The following PRKCE variants were observed in gnomAD, a reference collection of about 807,000 sequenced individuals.
The protein encoded by PRKCE is protein kinase C epsilon, also known as protein kinase C epsilon type.
Under a neutral mutation model 85.4 loss-of-function variants are expected in PRKCE, and 16 were observed. The observed-to-expected ratio is 0.19, with a 90% CI of 0.13 to 0.28. PRKCE has a LOEUF of 0.28. Among genes scored for constraint, PRKCE ranks in the 10% least tolerant of loss-of-function variants. The pLI is 1.00. For missense variants in PRKCE, 573 were observed against 975.2 expected (o/e 0.59, Z 5.49); for synonymous variants, 388 against 371.5 (o/e 1.04, Z -0.51).
At chr2:45,655,962 C>G (rs1572866129) in intron 1 of PRKCE, among the ~76,000 whole-genome samples, 3 of 150,144 alleles carry the variant, frequency 2.0e-5, no homozygotes, top group African/African-American at 4.9e-5. Context: ...GAGGTATCTA[C>G]AAGAAGGAGC....
chr2:45,911,611 T>G (rs1271012226), intron 2 of PRKCE, among the ~76,000 whole-genome samples: 7 of 152,172 alleles, frequency 4.6e-5, no homozygotes, highest in Admixed American at 4.6e-4. Context: ...GACTCCTCAG[T>G]CTCTGTCAGT....
chr2:46,044,756 T>A (rs1242597209), intron 10 of PRKCE, among the ~76,000 whole-genome samples: 1 of 152,078 alleles, frequency 6.6e-6, no homozygotes, highest in African/African-American at 2.4e-5. Flanking sequence ...ATAAATAAAT[T>A]AGGGAAAGTG....
At position 45,652,003 on chromosome 2, in the gene PRKCE, C is replaced by G. The variant is rs1170782953; in HGVS notation, c.-98C>G. ...TGTGCGGGGTGGGGCGAAAGGGGACCCAAGAGTCCCTGTGGCTCGGAGTGC... is the reference window on the plus strand; with the variant it reads ...TGTGCGGGGTGGGGCGAAAGGGGACGCAAGAGTCCCTGTGGCTCGGAGTGC... On this transcript the variant is annotated 5_prime_UTR_variant, in exon 1 of 15. Transcript: ENST00000306156. This position sits in a 1 kb window ranked among gnomAD's most constrained non-coding sequence, Gnocchi z 7.7. 2.1e-6 allele frequency: 2 copies of G among 967,564 alleles called. No individual in the cohort carries two copies. Among genetic ancestry groups the G allele is most frequent in the East Asian group, 4.9e-5 (2 of 41,180 alleles). The allele number at this position is 967,564 out of a possible 1,614,324, so 59.9% of individuals were successfully genotyped here. A position where few individuals can be genotyped will look rare whatever the true frequency, so the allele number is the denominator to read the frequency against.
intron 2 of PRKCE, among the ~76,000 whole-genome samples, chr2:45,903,636 T>G (rs1362825382): frequency 6.6e-6 from 1 of 152,200 alleles, no homozygotes; most frequent in Non-Finnish European, 1.5e-5. Context: ...ACAGTCATCT[T>G]GTATTTTTAT....
At chr2:45,802,754 A>G (rs1427574053) in intron 1 of PRKCE, among the ~76,000 whole-genome samples, 1 of 152,246 alleles carries the variant, frequency 6.6e-6, no homozygotes, top group Non-Finnish European at 1.5e-5. Flanking sequence ...TTCTTTCCAT[A>G]GGGATCCAGT....
intron 1 of PRKCE, among the ~76,000 whole-genome samples, chr2:45,784,455 T>C (rs1686438069): frequency 6.6e-6 from 1 of 152,234 alleles, no homozygotes; most frequent in African/African-American, 2.4e-5. Flanking sequence ...GGAGAAACTT[T>C]GGCAAATCAG....
intron 14 of PRKCE, among the ~76,000 whole-genome samples, chr2:46,163,281 G>C (rs540694214): frequency 3.4e-5 from 5 of 147,134 alleles, no homozygotes; most frequent in African/African-American, 1.3e-4. Flanking sequence ...AAGCTGAGGT[G>C]CATCCCCATA....
chr2:45,700,278 A>G (rs370863777), intron 1 of PRKCE, among the ~76,000 whole-genome samples: 2 of 152,028 alleles, frequency 1.3e-5, no homozygotes, highest in African/African-American at 4.8e-5. Context: ...AGAGACATCT[A>G]TGAAGTAACC....
chr2:46,080,079 C>T (rs766890631), intron 10 of PRKCE, among the ~76,000 whole-genome samples: 1 of 152,140 alleles, frequency 6.6e-6, no homozygotes, highest in Non-Finnish European at 1.5e-5. Context: ...GCTTACTTTA[C>T]CAGGAAGTTG....
intron 13 of PRKCE, among the ~76,000 whole-genome samples, chr2:46,156,458 C>G (rs144080755): frequency 6.6e-6 from 1 of 152,224 alleles, no homozygotes; most frequent in Non-Finnish European, 1.5e-5. Flanking sequence ...CCCGTGAGGG[C>G]AGGGACCGTG....
At chr2:45,719,918 T>C (rs560844949) in intron 1 of PRKCE, among the ~76,000 whole-genome samples, 9 of 152,228 alleles carry the variant, frequency 5.9e-5, no homozygotes, top group East Asian at 1.9e-4. Flanking sequence ...AAAAAGACCC[T>C]GTCTCCTAAA....
intron 1 of PRKCE, among the ~76,000 whole-genome samples, chr2:45,761,840 T>C (rs1243458442): frequency 6.6e-6 from 1 of 152,194 alleles, no homozygotes; most frequent in Non-Finnish European, 1.5e-5. Flanking sequence ...CCCTTCCTGC[T>C]TGAGCCAGGG....
At chr2:45,929,160 C>T (rs1698850982) in intron 2 of PRKCE, among the ~76,000 whole-genome samples, 2 of 152,174 alleles carry the variant, frequency 1.3e-5, no homozygotes, top group South Asian at 4.1e-4. Context: ...GCTCGTCATC[C>T]TACCACGCGG....
intron 2 of PRKCE, among the ~76,000 whole-genome samples, chr2:45,931,388 G>T (rs751800139): frequency 6.6e-6 from 1 of 152,166 alleles, no homozygotes; most frequent in Non-Finnish European, 1.5e-5. Flanking sequence ...ACAAAACAAG[G>T]CTCCATGTGA....
At chr2:46,096,675 C>T (rs1045901298) in intron 11 of PRKCE, among the ~76,000 whole-genome samples, 2 of 152,168 alleles carry the variant, frequency 1.3e-5, no homozygotes, top group Non-Finnish European at 2.9e-5. Flanking sequence ...CACTTCTAGC[C>T]TTCACAACTG....
Position 45,751,809 on chromosome 2 carries a change from A to ATTTTTTTT in PRKCE, c.349-91172_349-91165dup, listed in dbSNP as rs34589907. ...ACTCCAGCCTCCAAAGCTAACCACT[A>ATTTTTTTT]TTTTTTTTTTTTTTTTTTTTTTTTT... On this transcript the variant is annotated intron_variant, in intron 1 of 14. Coordinates refer to ENST00000306156, the MANE Select transcript of PRKCE (RefSeq NM_005400.3). 2.6e-3 allele frequency among the ~76,000 whole-genome samples: 203 copies of ATTTTTTTT among 78,526 alleles called. 23 individuals are homozygous for ATTTTTTTT. Among genetic ancestry groups the ATTTTTTTT allele is most frequent in the Non-Finnish European group, 3.1e-3 (132 of 42,640 alleles). 51.5% of individuals were successfully genotyped at this position (78,526 alleles called of 152,430 possible).
intron 1 of PRKCE, among the ~76,000 whole-genome samples, chr2:45,717,699 C>A (rs1393619121): frequency 6.6e-6 from 1 of 152,202 alleles, no homozygotes; most frequent in East Asian, 1.9e-4. Flanking sequence ...CAGACTTTTT[C>A]TTCTGCCCCT....
intron 6 of PRKCE, among the ~76,000 whole-genome samples, chr2:45,993,123 T>C (rs929986341): frequency 1.4e-5 from 2 of 146,430 alleles, no homozygotes; most frequent in African/African-American, 5.0e-5. Context: ...TCACGGCCTT[T>C]GGCCTTGGTG....
chr2:46,011,103 C>A, intron 10 of PRKCE: 1 of 359,474 alleles, frequency 2.8e-6, no homozygotes, highest in Non-Finnish European at 4.4e-6. Context: ...GTATTATTAA[C>A]TAATTTGTTA....
Sources: allele counts gnomAD v4.1 joint callset (sites outside exome capture counted in the v4.1 genomes callset), GRCh38; gene constraint gnomAD v4.1.1; non-coding constraint Gnocchi (gnomAD v3.1); transcripts MANE v1.5; gene names NCBI Gene and HGNC (gene_info 2026-07-23, HGNC 2026-07-21).